The following MYOM2 variants were observed in gnomAD, a reference collection of about 807,000 sequenced individuals.
The protein encoded by MYOM2 is myomesin-2.
Under a neutral mutation model 187.6 loss-of-function variants are expected in MYOM2, and 254 were observed. The ratio of observed to expected loss-of-function variants is 1.35; its 90% CI spans 1.22 to 1.50. The LOEUF is 1.50. Among genes scored for constraint, MYOM2 ranks in the 40% most tolerant of loss-of-function variants. The pLI is 0.00. For synonymous variants in MYOM2, 981 were observed against 753.8 expected (o/e 1.30, Z -4.94); for missense variants, 2,796 against 1,924.0 (o/e 1.45, Z -8.48).
At chr8:2,096,975 C>A in intron 18 of MYOM2, 1 of 249,110 alleles carries the variant, frequency 4.0e-6, no homozygotes, top group Non-Finnish European at 6.4e-6. Flanking sequence ...CAGATCCAGA[C>A]ACCCCCTTGG....
chr8:2,060,860 T>G (rs1440460398), intron 6 of MYOM2, among the ~76,000 whole-genome samples: 1 of 152,076 alleles, frequency 6.6e-6, no homozygotes, highest in Non-Finnish European at 1.5e-5. Context: ...GAGGGATTCT[T>G]GCTCTGGGGG....
At chr8:2,130,661 C>G (rs1448636014) in intron 32 of MYOM2, among the ~76,000 whole-genome samples, 4 of 152,166 alleles carry the variant, frequency 2.6e-5, no homozygotes, top group Admixed American at 1.3e-4. Context: ...CTTGGAATCT[C>G]TCACGTCTTT....
rs1563444577 is a variant in MYOM2 at position 2,085,519 on chromosome 8, CCCA to C, written c.1644+131_1644+133del. On this transcript the variant is annotated intron_variant, in intron 14 of 36. Coordinates refer to ENST00000262113, the MANE Select transcript of MYOM2 (RefSeq NM_003970.4). Reference sequence around the variant, plus strand: ...CACTGTTGTGATCTCCGCGTGGCCCCCCACTGTTGTGATCTCTGCGTGGCCCCA... The same window carrying C: ...CACTGTTGTGATCTCCGCGTGGCCCCCTGTTGTGATCTCTGCGTGGCCCCA... The C allele has an allele frequency of 6.3e-5, 45 of 713,008 alleles. 3 individuals are homozygous for C. Among genetic ancestry groups the C allele is most frequent in the South Asian group, 1.3e-4 (6 of 47,462 alleles). The allele number at this position is 713,008 out of a possible 1,614,324, so 44.2% of individuals were successfully genotyped here.
intron 30 of MYOM2, among the ~76,000 whole-genome samples, 157 bp from the exon 31 acceptor site, chr8:2,124,022 G>A (rs985453912): frequency 7.9e-5 from 12 of 152,096 alleles, no homozygotes; most frequent in Admixed American, 6.5e-4. Context: ...AGGATTTATC[G>A]CACACATAAG....
chr8:2,142,418 A>C, intron 35 of MYOM2, 21 bp downstream of exon 35: 1 of 1,612,924 alleles, frequency 6.2e-7, no homozygotes, highest in Non-Finnish European at 8.5e-7. Context: ...GTTGGATTGT[A>C]ACCAGGATGG....
At chr8:2,064,745 C>G (rs1018931164) in intron 6 of MYOM2, among the ~76,000 whole-genome samples, 8 of 152,176 alleles carry the variant, frequency 5.3e-5, no homozygotes, top group Non-Finnish European at 1.2e-4. Context: ...GGGGCCGTGG[C>G]CTGGGGAACA....
At chr8:2,115,822 C>T in intron 25 of MYOM2, 138 bp from the exon 26 acceptor site, 2 of 930,920 alleles carry the variant, frequency 2.1e-6, no homozygotes, top group Admixed American at 5.8e-5. Context: ...CAGAGGTTTC[C>T]TTGATAAAAT....
intron 3 of MYOM2, among the ~76,000 whole-genome samples, chr8:2,057,053 G>C (rs1264633668): frequency 2.0e-5 from 3 of 152,176 alleles, no homozygotes; most frequent in African/African-American, 7.2e-5. Context: ...CAAGCGGTTT[G>C]CAGTTGTGCA....
intron 6 of MYOM2, among the ~76,000 whole-genome samples, chr8:2,063,477 G>A (rs1257996906): frequency 6.6e-6 from 1 of 152,168 alleles, no homozygotes; most frequent in Non-Finnish European, 1.5e-5. Flanking sequence ...CTCATGATGT[G>A]AGCCCTCATT....
chr8:2,065,143 A>G (rs923396567), intron 6 of MYOM2, among the ~76,000 whole-genome samples: 2 of 152,368 alleles, frequency 1.3e-5, no homozygotes, highest in African/African-American at 2.4e-5. Context: ...GTGGGTGCTC[A>G]ATACATGTAT....
At position 2,069,463 on chromosome 8, in the gene MYOM2, G is replaced by A. The variant is rs1819140138; in HGVS notation, c.759G>A (p.Glu253=). 4 of 1,614,192 alleles carry A rather than the reference G, an allele frequency of 2.5e-6. No homozygotes were observed. Among genetic ancestry groups the A allele is most frequent in the Non-Finnish European group, 3.4e-6 (4 of 1,180,024 alleles). ...AVVVRRFRGD[E]EPFRSVGLPI... Reference sequence around the variant, plus strand: ...GTCTTGCAGGGTTCCGGGGAGACGAGGAACCATTCCGTTCGGTGGGACTCC... The same window carrying A: ...GTCTTGCAGGGTTCCGGGGAGACGAAGAACCATTCCGTTCGGTGGGACTCC... The change falls in exon 8 of 37, where the codon GAG becomes GAA. Residue 253 remains glutamate (E), a synonymous_variant. Coordinates refer to ENST00000262113, the MANE Select transcript of MYOM2 (RefSeq NM_003970.4).
intron 20 of MYOM2, among the ~76,000 whole-genome samples, chr8:2,101,806 C>A (rs1453289985): frequency 6.6e-6 from 1 of 152,162 alleles, no homozygotes; most frequent in African/African-American, 2.4e-5. Context: ...TTGATAAGCA[C>A]CACACACAGA....
At chr8:2,143,487 G>C (rs758285032) in intron 36 of MYOM2, 31 bp downstream of exon 36, 1 of 1,613,766 alleles carries the variant, frequency 6.2e-7, no homozygotes, top group South Asian at 1.1e-5. Context: ...CGGGGTGGGG[G>C]TGTCAGCACG....
intron 25 of MYOM2, among the ~76,000 whole-genome samples, chr8:2,113,456 A>G (rs1402669291): frequency 6.6e-5 from 10 of 152,182 alleles, no homozygotes; most frequent in African/African-American, 2.4e-4. Context: ...TCTCTACCCC[A>G]GATGCTGCCT....
intron 32 of MYOM2, among the ~76,000 whole-genome samples, chr8:2,130,287 G>C (rs1008981957): frequency 7.1e-6 from 1 of 139,908 alleles, no homozygotes; most frequent in African/African-American, 2.9e-5. Flanking sequence ...TATACCCAGG[G>C]CGCCCACACC....
At position 2,078,801 on chromosome 8, in the gene MYOM2, G is replaced by T. The variant is rs776651412; in HGVS notation, c.1330G>T (p.Val444Phe). The T allele has an allele frequency of 1.1e-5, 18 of 1,614,034 alleles. No homozygotes were observed. The highest frequency in any genetic ancestry group is 1.5e-5 in the Non-Finnish European group (18 of 1,180,034). Residue 444 changes from valine (V) to phenylalanine (F), a missense_variant, in exon 12 of 37, where the codon GTC becomes TTC. Val to Phe is a conservative substitution (Grantham distance 50, BLOSUM62 -1). Transcript: ENST00000262113. Reference protein sequence around the residue: ...DAPVKICKYPVTGLFEGRSYI... With the variant: ...DAPVKICKYPFTGLFEGRSYI... Reference sequence around the variant, plus strand: ...ACCGGTGAAAATCTGCAAATACCCGGTCACAGGGCTTTTTGAAGGAAGGTC... The same window carrying T: ...ACCGGTGAAAATCTGCAAATACCCGTTCACAGGGCTTTTTGAAGGAAGGTC...
chr8:2,084,480 G>A (rs1819739675), intron 13 of MYOM2, among the ~76,000 whole-genome samples: 1 of 152,152 alleles, frequency 6.6e-6, no homozygotes, highest in African/African-American at 2.4e-5. Flanking sequence ...TAATCTAATT[G>A]AAGGTTCATA....
At chr8:2,059,897 C>T (rs993268592) in intron 6 of MYOM2, among the ~76,000 whole-genome samples, 1 of 152,060 alleles carries the variant, frequency 6.6e-6, no homozygotes, top group Non-Finnish European at 1.5e-5. Context: ...CATGGGCCAT[C>T]ACGCCCAGCT....
intron 25 of MYOM2, among the ~76,000 whole-genome samples, chr8:2,109,837 G>C (rs997471220): frequency 3.9e-5 from 6 of 152,216 alleles, no homozygotes; most frequent in Non-Finnish European, 7.3e-5. Context: ...TGATGAATCA[G>C]TTCACTTATT....
Sources: gnomAD v4.1 joint callset for allele counts (sites outside exome capture counted in the v4.1 genomes callset) on GRCh38, gnomAD v4.1.1 for gene constraint, MANE v1.5 for transcripts, NCBI Gene and HGNC (gene_info 2026-07-23, HGNC 2026-07-21) for gene names.